The following SLC2A13 variants were observed in gnomAD, a reference collection of about 807,000 sequenced individuals.
The protein encoded by SLC2A13 is solute carrier family 2 member 13, also known as proton myo-inositol cotransporter.
SLC2A13 carries 32 observed loss-of-function variants against 64.4 expected under a neutral mutation model. The ratio of observed to expected loss-of-function variants is 0.50; its 90% confidence interval spans 0.37 to 0.67. SLC2A13 has a LOEUF of 0.67. SLC2A13 is among the 30% of genes least tolerant of loss of function. The pLI is 0.00. For missense variants in SLC2A13, 743 were observed against 829.2 expected (o/e 0.90, Z 1.28); for synonymous variants, 338 against 327.1 (o/e 1.03, Z -0.36).
intron 7 of SLC2A13, among the ~76,000 whole-genome samples, chr12:39,790,782 G>A (rs1438149319): frequency 1.7e-5 from 1 of 60,240 alleles, no homozygotes; most frequent in Admixed American, 2.0e-4. Flanking sequence ...CTAGATCCCT[G>A]AGGAATCGCC....
chr12:39,829,392 C>CTTTTATTTTT (rs1942787097), intron 7 of SLC2A13: 1 of 65,796 alleles, frequency 1.5e-5, no homozygotes, highest in Non-Finnish European at 2.5e-5. Flanking sequence ...GATAGTAATT[C>CTTTTATTTTT]TTTTTTTTTT....
chr12:40,075,839 T>C (rs1272128813), intron 1 of SLC2A13, among the ~76,000 whole-genome samples: 6 of 152,156 alleles, frequency 3.9e-5, no homozygotes, highest in Non-Finnish European at 4.4e-5. Flanking sequence ...TACTTATATT[T>C]ATCTGTCTTA....
At chr12:39,997,472 A>T (rs1222252371) in intron 3 of SLC2A13, among the ~76,000 whole-genome samples, 1 of 152,204 alleles carries the variant, frequency 6.6e-6, no homozygotes, top group Non-Finnish European at 1.5e-5. Context: ...AATGCTCAAC[A>T]TTACTAATGA....
intron 1 of SLC2A13, among the ~76,000 whole-genome samples, chr12:40,101,865 T>C (rs1288649304): frequency 2.0e-5 from 3 of 152,106 alleles, no homozygotes; most frequent in Admixed American, 2.0e-4. Flanking sequence ...TCAGTGACCT[T>C]GCCATTTAAC....
At chr12:39,920,733 C>A (rs566228326) in intron 4 of SLC2A13, among the ~76,000 whole-genome samples, 1 of 152,158 alleles carries the variant, frequency 6.6e-6, no homozygotes, top group South Asian at 2.1e-4. Context: ...GCAGAGAAAT[C>A]ATATCAACCA....
At chr12:39,801,339 TAAAAAAAAA>T (rs34671641) in intron 7 of SLC2A13, among the ~76,000 whole-genome samples, 2 of 126,864 alleles carry the variant, frequency 1.6e-5, no homozygotes, top group African/African-American at 5.8e-5. Context: ...ATGAGGAAAT[TAAAAAAAAA>T]AAAAAAAAAA....
At chr12:40,035,610 T>G (rs1338984286) in intron 2 of SLC2A13, among the ~76,000 whole-genome samples, 1 of 152,194 alleles carries the variant, frequency 6.6e-6, no homozygotes, top group Non-Finnish European at 1.5e-5. Flanking sequence ...AGATGGAATC[T>G]TTCACGTTAA....
chr12:39,928,635 A>G (rs1010685429), intron 4 of SLC2A13, among the ~76,000 whole-genome samples: 1 of 152,218 alleles, frequency 6.6e-6, no homozygotes, highest in Non-Finnish European at 1.5e-5. Flanking sequence ...CTTATGAAAG[A>G]TGTTCAGTTA....
In SLC2A13 at chr12:39,808,291, T is replaced by C. The variant is rs188142873; in HGVS notation, c.1445+21812A>G. ...CTGGACATATCAGTAATTCCTTCCA[T>C]CTATCTGGGTAGTATTTAATTATAT... is the stretch of plus-strand genomic sequence containing the variant. On this transcript the variant is annotated intron_variant, in intron 7 of 9. Transcript: ENST00000280871. Among the ~76,000 whole-genome samples the C allele has an allele frequency of 3.3e-5, 5 of 152,296 alleles. No homozygotes were observed. In the East Asian group the frequency reaches 9.6e-4, roughly 29 times the overall value.
At chr12:40,016,719 T>C (rs1947627745) in intron 3 of SLC2A13, among the ~76,000 whole-genome samples, 2 of 152,194 alleles carry the variant, frequency 1.3e-5, no homozygotes, top group Admixed American at 6.5e-5. Context: ...GTAAGGGGTA[T>C]TTCCTAAATT....
intron 7 of SLC2A13, among the ~76,000 whole-genome samples, chr12:39,795,810 G>T (rs1344002036): frequency 1.3e-5 from 2 of 152,124 alleles, no homozygotes; most frequent in Non-Finnish European, 1.5e-5. Flanking sequence ...TCCAAGCCAT[G>T]GCTGAGGGAG....
chr12:40,088,331 T>C lies in SLC2A13; in HGVS notation c.556+16922A>G, dbSNP rs544881746. 2.6e-4 allele frequency among the ~76,000 whole-genome samples: 39 copies of C among 152,318 alleles called. 1 individual carries two copies. The East Asian group carries it at 7.1e-3, about 28-fold the overall frequency. ...TTAGACCACTTTATTTTAACTGCTCTCTCTAAAACCTCAACATCATATATT... is the reference window on the plus strand; with the variant it reads ...TTAGACCACTTTATTTTAACTGCTCCCTCTAAAACCTCAACATCATATATT... On this transcript the variant is annotated intron_variant, in intron 1 of 9. Coordinates refer to ENST00000280871, the MANE Select transcript of SLC2A13 (RefSeq NM_052885.4).
chr12:40,031,184 A>G (rs1947897158), intron 2 of SLC2A13, among the ~76,000 whole-genome samples: 2 of 152,190 alleles, frequency 1.3e-5, no homozygotes, highest in South Asian at 4.1e-4. Context: ...CCGGGCATAC[A>G]AACCACAAGA....
chr12:39,793,264 G>T (rs2135768426), intron 7 of SLC2A13, among the ~76,000 whole-genome samples: 1 of 152,082 alleles, frequency 6.6e-6, no homozygotes, highest in Admixed American at 6.6e-5. Flanking sequence ...AAATGTTTAG[G>T]AAGAAATCTG....
At chr12:40,100,969 CAA>C (rs10633826) in intron 1 of SLC2A13, among the ~76,000 whole-genome samples, 1 of 84,690 alleles carries the variant, frequency 1.2e-5, no homozygotes, top group Non-Finnish European at 2.1e-5. Context: ...CCATCTCAGA[CAA>C]AAAAAAAAAA....
At chr12:39,894,232 A>T (rs931137690) in intron 4 of SLC2A13, among the ~76,000 whole-genome samples, 53 of 152,232 alleles carry the variant, frequency 3.5e-4, no homozygotes, top group Non-Finnish European at 1.3e-4. Context: ...TTAGTAAGTA[A>T]CATGACTATC....
intron 4 of SLC2A13, among the ~76,000 whole-genome samples, chr12:39,887,509 AT>A (rs1944498210): frequency 6.6e-6 from 1 of 152,198 alleles, no homozygotes; most frequent in Admixed American, 6.6e-5. Context: ...AAAAAAGGGG[AT>A]AAAAAAGGGA....
At chr12:39,783,213 T>A (rs1941060730) in intron 7 of SLC2A13, among the ~76,000 whole-genome samples, 1 of 152,220 alleles carries the variant, frequency 6.6e-6, no homozygotes, top group African/African-American at 2.4e-5. Context: ...TCCTTTTTTA[T>A]AGCTGCATAG....
intron 1 of SLC2A13, among the ~76,000 whole-genome samples, chr12:40,087,862 C>A (rs1320148889): frequency 2.0e-5 from 3 of 152,032 alleles, no homozygotes; most frequent in Non-Finnish European, 4.4e-5. Flanking sequence ...ATAATTTGTA[C>A]TAATTATAAG....
Sources: gnomAD v4.1 joint callset for allele counts (sites outside exome capture counted in the v4.1 genomes callset) on GRCh38, gnomAD v4.1.1 for gene constraint, MANE v1.5 for transcripts, NCBI Gene and HGNC (gene_info 2026-07-23, HGNC 2026-07-21) for gene names.